The following ANKRD30B variants were observed in gnomAD, a reference collection of about 807,000 sequenced individuals.
ANKRD30B encodes ankyrin repeat domain-containing protein 30B.
ANKRD30B carries 144 observed loss-of-function variants against 202.2 expected under a neutral mutation model. The ratio of observed to expected loss-of-function variants is 0.71; its 90% CI spans 0.62 to 0.82. The LOEUF is 0.82. ANKRD30B is among the 40% of genes least tolerant of loss of function. The pLI, the probability that ANKRD30B is intolerant of heterozygous loss-of-function variation, is 0.00. For synonymous variants in ANKRD30B, 508 were observed against 561.3 expected, an observed-to-expected ratio of 0.91 and a Z score of 1.34; for missense variants, 1,487 against 1,669.1, an observed-to-expected ratio of 0.89 and a Z score of 1.90.
chr18:14,791,664 T>C (rs1447973478), intron 16 of ANKRD30B, among the ~76,000 whole-genome samples, 173 bp downstream of exon 16: 6 of 152,084 alleles, frequency 3.9e-5, no homozygotes, highest in Non-Finnish European at 5.9e-5. Context: ...TAACAGAGTA[T>C]ATTGAGAGTG....
chr18:14,786,979 T>G (rs1204757970), intron 14 of ANKRD30B, 60 bp from the exon 15 acceptor site: 8 of 1,520,632 alleles, frequency 5.3e-6, no homozygotes, highest in African/African-American at 1.4e-5. Context: ...TTGTGTATGT[T>G]TTTAAAATTT....
chr18:14,850,229 A>G lies in ANKRD30B; in HGVS notation c.3411A>G (p.Gln1137=). 6.4e-7 allele frequency: 1 copy of G among 1,553,424 alleles called. No homozygotes were observed. The highest frequency in any genetic ancestry group is 8.6e-7 in the Non-Finnish European group (1 of 1,156,214). Residue 1137 remains glutamine (Q), a synonymous_variant, in exon 41 of 44, where the codon CAA becomes CAG. Coordinates refer to ENST00000690538, the MANE Select transcript of ANKRD30B (RefSeq NM_001367607.2). ...ELCSVRLTLN[Q]EEEKRRNVDI... ...TTAATGGCAGATTGACTTTAAATCA[A>G]GAAGAAGAGAAGAGAAGAAATGTCG...
At chr18:14,925,502 G>T in the ANKRD30B span, among the ~76,000 whole-genome samples, 1 of 152,220 alleles carries the variant, frequency 6.6e-6, no homozygotes, top group East Asian at 1.9e-4. Context: ...TGGGGTTTTG[G>T]TTTTGGTTTT....
chr18:14,861,589 T>C, the ANKRD30B span, among the ~76,000 whole-genome samples: 1 of 150,634 alleles, frequency 6.6e-6, no homozygotes, highest in East Asian at 1.9e-4. Flanking sequence ...CTTAAATATA[T>C]ATGCAGCCAA....
In ANKRD30B at chr18:14,837,340, T is replaced by C. The variant is rs192643823; in HGVS notation, c.2926+51T>C. ...CAAAATAATAGAAATGGTAAATTAGTGAATATCTCTGAAAATTTTTCTATG... is the reference window on the plus strand; with the variant it reads ...CAAAATAATAGAAATGGTAAATTAGCGAATATCTCTGAAAATTTTTCTATG... On this transcript the variant is annotated intron_variant, in intron 35 of 43. Transcript: ENST00000690538. 201 of 1,421,982 alleles carry C rather than the reference T, an allele frequency of 1.4e-4. No homozygotes were observed. The African/African-American group carries it at 2.6e-3, about 18-fold the overall frequency. 88.1% of individuals were successfully genotyped at this position (1,421,982 alleles called of 1,614,324 possible). A position where few individuals can be genotyped will look rare whatever the true frequency, so the allele number is the denominator to read the frequency against.
chr18:14,780,164 G>T (rs1443026961), intron 11 of ANKRD30B, 143 bp downstream of exon 11: 1 of 685,544 alleles, frequency 1.5e-6, no homozygotes, highest in African/African-American at 1.9e-5. Context: ...AACATACTTG[G>T]CTGGGTACTG....
At chr18:14,938,627 A>G in the ANKRD30B span, among the ~76,000 whole-genome samples, 1 of 152,210 alleles carries the variant, frequency 6.6e-6, no homozygotes, top group African/African-American at 2.4e-5. Flanking sequence ...AATAACAGAC[A>G]GGACTTGGGG....
At chr18:14,828,375 T>C in intron 33 of ANKRD30B, 67 bp downstream of exon 33, 6 of 1,108,662 alleles carry the variant, frequency 5.4e-6, no homozygotes, top group Non-Finnish European at 7.8e-6. Flanking sequence ...GAAATCACTA[T>C]CTGCTGAGTA....
chr18:14,790,566 CA>C (rs1176347964), intron 15 of ANKRD30B, among the ~76,000 whole-genome samples: 1 of 152,106 alleles, frequency 6.6e-6, no homozygotes, highest in Non-Finnish European at 1.5e-5. Flanking sequence ...TACGTCCCAT[CA>C]ATACCTAATT....
At position 14,798,970 on chromosome 18, in the gene ANKRD30B, C is replaced by G. The variant is rs574500123; in HGVS notation, c.2030-131C>G. On this transcript the variant is annotated intron_variant, in intron 20 of 43. Coordinates refer to ENST00000690538, the MANE Select transcript of ANKRD30B (RefSeq NM_001367607.2). ...AACAAATACAATAACCCAAAAGACC[C>G]CAAAACCTAGTGTAATCCCTTTTCA... The G allele has an allele frequency of 1.4e-4, 146 of 1,018,274 alleles. 1 individual carries two copies. In the East Asian group the frequency reaches 3.7e-3, roughly 26 times the overall value. 63.1% of individuals were successfully genotyped at this position (1,018,274 alleles called of 1,614,324 possible).
the ANKRD30B span, among the ~76,000 whole-genome samples, chr18:14,876,594 A>G: frequency 1.3e-5 from 2 of 152,188 alleles, no homozygotes; most frequent in East Asian, 3.8e-4. Context: ...AGCAGGTTGG[A>G]TTCAGGTTAG....
At chr18:14,895,143 T>G in the ANKRD30B span, among the ~76,000 whole-genome samples, 69,942 of 133,124 alleles carry the variant, frequency 0.53, 18,058 homozygotes, top group African/African-American at 0.58. Context: ...TACTGGCGGG[T>G]AGTAGATGAG....
chr18:14,849,013 T>G, intron 40 of ANKRD30B, 84 bp downstream of exon 40: 1 of 1,344,154 alleles, frequency 7.4e-7, no homozygotes. Context: ...CTGACTTACC[T>G]TCTGAGATTT....
At chr18:14,850,481 A>G in intron 41 of ANKRD30B, 99 bp downstream of exon 41, 1 of 1,217,544 alleles carries the variant, frequency 8.2e-7, no homozygotes, top group Non-Finnish European at 1.1e-6. Flanking sequence ...TCAGGTCTAA[A>G]TCAAAGAAAA....
At chr18:14,803,503 T>C (rs1314396063) in intron 23 of ANKRD30B, 1 of 467,806 alleles carries the variant, frequency 2.1e-6, no homozygotes, top group Admixed American at 3.2e-5. Context: ...TTTTTCCTGC[T>C]CAGTAACCAA....
intron 14 of ANKRD30B, 141 bp downstream of exon 14, chr18:14,784,676 T>C: frequency 5.2e-6 from 5 of 955,314 alleles, no homozygotes; most frequent in Non-Finnish European, 7.3e-6. Flanking sequence ...GTATTTATGT[T>C]TGAAAACCTG....
At chr18:14,792,284 G>A (rs1479942927) in intron 16 of ANKRD30B, among the ~76,000 whole-genome samples, 1 of 152,112 alleles carries the variant, frequency 6.6e-6, no homozygotes, top group East Asian at 1.9e-4. Flanking sequence ...TGTGGAAGAA[G>A]GGCCATTGGG....
chr18:14,903,181 G>A, the ANKRD30B span, among the ~76,000 whole-genome samples: 1 of 152,154 alleles, frequency 6.6e-6, no homozygotes, highest in Admixed American at 6.6e-5. Context: ...TCATGCAGGG[G>A]CCAAGGCAAC....
chr18:14,797,555 T>G (rs1968998512), intron 18 of ANKRD30B, 106 bp from the exon 19 acceptor site: 1 of 1,309,140 alleles, frequency 7.6e-7, no homozygotes, highest in African/African-American at 1.5e-5. Context: ...GTAATCCCTT[T>G]CCAATCCAAG....
Sources: gnomAD v4.1 joint callset for allele counts (sites outside exome capture counted in the v4.1 genomes callset) on GRCh38, gnomAD v4.1.1 for gene constraint, MANE v1.5 for transcripts, NCBI Gene and HGNC (gene_info 2026-07-23, HGNC 2026-07-21) for gene names.